The following POU6F2 variants were observed in gnomAD, a reference collection of about 807,000 sequenced individuals.
The protein encoded by POU6F2 is POU domain, class 6, transcription factor 2.
POU6F2 carries 31 observed loss-of-function variants against 71.3 expected under a neutral mutation model. The observed-to-expected ratio is 0.43, with a 90% confidence interval of 0.33 to 0.59. POU6F2 has a LOEUF of 0.59. POU6F2 is among the 20% of genes least tolerant of loss of function. The probability of loss-of-function intolerance (pLI) is 0.04; values close to 1 mark genes in which losing one functional copy is unlikely to be tolerated. For synonymous variants in POU6F2, 347 were observed against 355.7 expected, an observed-to-expected ratio of 0.98 and a Z score of 0.27; for missense variants, 783 against 856.8, an observed-to-expected ratio of 0.91 and a Z score of 1.07.
chr7:39,231,246 G>T (rs188400855), intron 4 of POU6F2, among the ~76,000 whole-genome samples: 198 of 152,228 alleles, frequency 1.3e-3, no homozygotes, highest in African/African-American at 4.3e-3. Flanking sequence ...GATAAGAAAA[G>T]CATCTTAATA....
At chr7:39,225,311 C>T (rs1448583454) in intron 4 of POU6F2, among the ~76,000 whole-genome samples, 3 of 152,128 alleles carry the variant, frequency 2.0e-5, no homozygotes, top group Admixed American at 2.0e-4. Flanking sequence ...GGAGCTAAAG[C>T]TCGAAAAGAG....
At chr7:39,277,478 C>A (rs1784466622) in intron 4 of POU6F2, among the ~76,000 whole-genome samples, 1 of 152,068 alleles carries the variant, frequency 6.6e-6, no homozygotes, top group South Asian at 2.1e-4. Context: ...GGAGTTAACT[C>A]CCACTTATAA....
chr7:39,426,338 C>T (rs1032539031), intron 6 of POU6F2, among the ~76,000 whole-genome samples: 1 of 152,184 alleles, frequency 6.6e-6, no homozygotes, highest in Non-Finnish European at 1.5e-5. Context: ...TCCAGCTGCC[C>T]CTTTCCTGCT....
At chr7:39,124,320 C>A (rs1792104404) in intron 2 of POU6F2, among the ~76,000 whole-genome samples, 1 of 152,186 alleles carries the variant, frequency 6.6e-6, no homozygotes, top group Admixed American at 6.5e-5. Flanking sequence ...GCTGGGATTA[C>A]AGGCATAAGC....
chr7:39,275,135 C>T (rs200659534), intron 4 of POU6F2, among the ~76,000 whole-genome samples: 114,938 of 151,858 alleles, frequency 0.76, 43,607 homozygotes, highest in Middle Eastern at 0.84. Flanking sequence ...ATGACATGAT[C>T]GTATATCTAG....
chr7:39,460,565 G>C lies in POU6F2; in HGVS notation c.1508G>C (p.Gly503Ala). The C allele has an allele frequency of 6.2e-7, 1 of 1,613,764 alleles. No individual in the cohort carries two copies. ...TCCACAGATCCTCAAACGGCAGCGGGTGAGGTGGATGGGGTTAATCTGGAG... is the reference window on the plus strand; with the variant it reads ...TCCACAGATCCTCAAACGGCAGCGGCTGAGGTGGATGGGGTTAATCTGGAG... ...QLVSNPQTAA[G>A]EVDGVNLEEI... Residue 503 changes from glycine (G) to alanine (A), a missense_variant, in exon 9 of 10, where the codon GGT (glycine) becomes GCT (alanine). By Grantham distance (60) the Gly-to-Ala change is moderately conservative. Coordinates refer to ENST00000518318, the MANE Select transcript of POU6F2 (RefSeq NM_001370959.1). The surrounding 1 kb of genome is among the most constrained non-coding windows in gnomAD (Gnocchi z 4.4).
At chr7:39,404,540 A>G (rs1037007838) in intron 5 of POU6F2, 3 of 152,232 alleles carry the variant, frequency 2.0e-5, no homozygotes, top group Non-Finnish European at 2.9e-5. Context: ...TGTTCACCCA[A>G]AATTCATGGA....
At chr7:39,024,470 C>T (rs1789753228) in intron 1 of POU6F2, among the ~76,000 whole-genome samples, 1 of 152,024 alleles carries the variant, frequency 6.6e-6, no homozygotes, top group Non-Finnish European at 1.5e-5. Context: ...ATTTGACTTC[C>T]TCTTTTCCTA....
At chr7:39,003,423 G>A (rs1788968214) in intron 1 of POU6F2, among the ~76,000 whole-genome samples, 1 of 151,460 alleles carries the variant, frequency 6.6e-6, no homozygotes, top group Admixed American at 6.6e-5. Context: ...CACACAAAAA[G>A]GAAGCATCTG....
Position 39,204,288 on chromosome 7 carries a change from G to A in POU6F2, c.331G>A (p.Ala111Thr), listed in dbSNP as rs1315537790. The A allele has an allele frequency of 1.2e-6, 2 of 1,613,744 alleles. No homozygotes were observed. Among genetic ancestry groups the A allele is most frequent in the Admixed American group, 1.7e-5 (1 of 60,014 alleles). ...CCCAGGCACTCCTGACCAACACCAG[G>A]CCAGTCAGACCCACCCCCCATTTCC... is the stretch of plus-strand genomic sequence containing the variant. ...SDPGTPDQHQ[A>T]SQTHPPFPVG... The change falls in exon 3 of 10, where the codon GCC (alanine) becomes ACC (threonine). Residue 111 changes from alanine to threonine, a missense_variant. By Grantham distance (58) the Ala-to-Thr change is moderately conservative. Coordinates refer to ENST00000518318, the MANE Select transcript of POU6F2 (RefSeq NM_001370959.1).
At chr7:39,034,577 G>A (rs1021128919) in intron 1 of POU6F2, 2 of 317,406 alleles carry the variant, frequency 6.3e-6, no homozygotes, top group Non-Finnish European at 1.4e-5. Context: ...GCTGCAGAAG[G>A]TCACTAGGGG....
chr7:39,114,142 A>G (rs1791879749), intron 2 of POU6F2, among the ~76,000 whole-genome samples: 1 of 152,202 alleles, frequency 6.6e-6, no homozygotes, highest in Non-Finnish European at 1.5e-5. Flanking sequence ...TAGTACTGAG[A>G]TTACACACAT....
intron 2 of POU6F2, among the ~76,000 whole-genome samples, chr7:39,147,145 A>T (rs993586336): frequency 6.6e-6 from 1 of 152,152 alleles, no homozygotes; most frequent in African/African-American, 2.4e-5. Flanking sequence ...TTTCTTTTAT[A>T]CTTTCTAAAT....
chr7:39,113,851 A>G (rs1791873776), intron 2 of POU6F2, among the ~76,000 whole-genome samples: 1 of 152,204 alleles, frequency 6.6e-6, no homozygotes, highest in African/African-American at 2.4e-5. Flanking sequence ...GCTCTTGGTC[A>G]CAAGGGCTGA....
chr7:39,052,387 C>T (rs1252182835), intron 1 of POU6F2, among the ~76,000 whole-genome samples: 2 of 152,082 alleles, frequency 1.3e-5, no homozygotes, highest in Non-Finnish European at 2.9e-5. Context: ...TGACTCACAG[C>T]TCTGCATGGC....
chr7:39,392,739 C>T (rs575383067), intron 5 of POU6F2, among the ~76,000 whole-genome samples: 2 of 152,310 alleles, frequency 1.3e-5, no homozygotes, highest in South Asian at 2.1e-4. Context: ...CGAGGCAGGA[C>T]GGCATGACCA....
chr7:39,006,991 A>G, intron 1 of POU6F2: 1 of 952,482 alleles, frequency 1.0e-6, no homozygotes, highest in Non-Finnish European at 1.7e-6. Flanking sequence ...AATGAGTGAG[A>G]TTCCCTTATG....
rs1281255182 is a variant in POU6F2, at chr7:39,013,575, G to A, written c.105+35517G>A. 2.0e-5 allele frequency: 3 copies of A among 152,290 alleles called. No individual in the cohort carries two copies. The East Asian group carries it at 5.8e-4, about 29-fold the overall frequency. 9.4% of individuals were successfully genotyped at this position (152,290 alleles called of 1,614,324 possible). ...CCCTAGATAGGTACTTTTTAAAAAT[G>A]GGGTGACTATTCAGAATGTCTTGTT... On this transcript the variant is annotated intron_variant, in intron 1 of 9. Transcript: ENST00000518318.
chr7:39,333,047 G>C (rs1440773870), intron 4 of POU6F2, among the ~76,000 whole-genome samples: 5 of 152,234 alleles, frequency 3.3e-5, no homozygotes, highest in Admixed American at 2.6e-4. Flanking sequence ...GTTCCATAAA[G>C]AGACCTCAGC....
Sources: allele counts gnomAD v4.1 joint callset (sites outside exome capture counted in the v4.1 genomes callset), GRCh38; gene constraint gnomAD v4.1.1; non-coding constraint Gnocchi (gnomAD v3.1); transcripts MANE v1.5; gene names NCBI Gene and HGNC (gene_info 2026-07-23, HGNC 2026-07-21).